The following CLIC5 variants were observed in gnomAD, a reference collection of about 807,000 sequenced individuals.
The protein encoded by CLIC5 is CLIC family member 5.
CLIC5 carries 20 observed loss-of-function variants against 24.7 expected under a neutral mutation model. The observed-to-expected ratio is 0.81, with a 90% CI of 0.57 to 1.18. The LOEUF is 1.18. Among genes scored for constraint, CLIC5 ranks in the 50% most tolerant of loss-of-function variants. The pLI, the probability that CLIC5 is intolerant of heterozygous loss-of-function variation, is 0.00. For synonymous variants in CLIC5, 159 were observed against 135.6 expected, an observed-to-expected ratio of 1.17 and a Z score of -1.20; for missense variants, 341 against 326.1, an observed-to-expected ratio of 1.05 and a Z score of -0.35.
chr6:45,950,581 C>T (rs1764438687), intron 2 of CLIC5, among the ~76,000 whole-genome samples: 1 of 152,052 alleles, frequency 6.6e-6, no homozygotes, highest in African/African-American at 2.4e-5. Context: ...AAAACAACAA[C>T]AGCAATAAAA....
At chr6:46,004,116 A>G (rs1228622591) in intron 1 of CLIC5, among the ~76,000 whole-genome samples, 1 of 152,232 alleles carries the variant, frequency 6.6e-6, no homozygotes, top group Non-Finnish European at 1.5e-5. Context: ...GTTGAAGTTG[A>G]TCTAGCAGAT....
intron 5 of CLIC5, among the ~76,000 whole-genome samples, chr6:45,908,228 G>T (rs1762715143): frequency 6.6e-6 from 1 of 151,894 alleles, no homozygotes; most frequent in Non-Finnish European, 1.5e-5. Flanking sequence ...ACCAACTTTT[G>T]GTTTCATTGA....
At chr6:46,091,488 C>A in the CLIC5 span, among the ~76,000 whole-genome samples, 1 of 152,264 alleles carries the variant, frequency 6.6e-6, no homozygotes, top group South Asian at 2.1e-4. Flanking sequence ...GTAATCCCAG[C>A]ACTTTGGGAG....
intron 6 of CLIC5, among the ~76,000 whole-genome samples, chr6:45,887,403 G>T (rs1352238143): frequency 6.6e-6 from 1 of 152,154 alleles, no homozygotes; most frequent in Non-Finnish European, 1.5e-5. Context: ...TCACACGGCT[G>T]TCTTCCCTCT....
Position 45,902,182 on chromosome 6 carries a change from C to T in CLIC5, c.*906G>A, listed in dbSNP as rs1762527367. 3.9e-5 allele frequency: 6 copies of T among 152,802 alleles called. No individual in the cohort carries two copies. Among genetic ancestry groups the T allele is most frequent in the Admixed American group, 3.3e-4 (5 of 15,286 alleles). The allele number at this position is 152,802 out of a possible 1,614,324, so 9.5% of individuals were successfully genotyped here. The stretch of plus-strand genomic sequence containing the variant: ...AACTCTTTTGTCTTCACCCATCTCT[C>T]CTCCTCCCACTCCCATCCACTTTCT... On this transcript the variant is annotated 3_prime_UTR_variant, in exon 6 of 6. Coordinates refer to ENST00000339561, the MANE Select transcript of CLIC5 (RefSeq NM_016929.5).
At chr6:46,050,957 C>G (rs1311801766) in intron 1 of CLIC5, among the ~76,000 whole-genome samples, 1 of 151,998 alleles carries the variant, frequency 6.6e-6, no homozygotes, top group Non-Finnish European at 1.5e-5. Flanking sequence ...CCTGCCTCAG[C>G]CTCCAGAGTA....
At chr6:46,039,058 C>T (rs1191456034) in intron 1 of CLIC5, among the ~76,000 whole-genome samples, 1 of 152,038 alleles carries the variant, frequency 6.6e-6, no homozygotes, top group African/African-American at 2.4e-5. Context: ...TAAAAGAATA[C>T]TATTTATAAA....
chr6:45,952,233 G>C (rs1476620970), intron 2 of CLIC5, among the ~76,000 whole-genome samples: 1 of 152,178 alleles, frequency 6.6e-6, no homozygotes, highest in African/African-American at 2.4e-5. Context: ...CTTAGCTAGA[G>C]TTGCAGCCCT....
At chr6:46,109,023 A>G in the CLIC5 span, among the ~76,000 whole-genome samples, 1 of 151,874 alleles carries the variant, frequency 6.6e-6, no homozygotes, top group Non-Finnish European at 1.5e-5. Flanking sequence ...ATGTGCCCCA[A>G]GGTTATATAG....
the CLIC5 span, among the ~76,000 whole-genome samples, chr6:46,089,949 T>G: frequency 6.6e-6 from 1 of 152,356 alleles, no homozygotes; most frequent in Non-Finnish European, 1.5e-5. Flanking sequence ...ACAGACAGTA[T>G]TTTTCGTGAT....
upstream of CLIC5, among the ~76,000 whole-genome samples, chr6:46,020,165 G>T (rs1581871205): frequency 1.3e-5 from 2 of 152,120 alleles, no homozygotes; most frequent in African/African-American, 4.8e-5. Context: ...TACCAAAAGA[G>T]ATCACATTCT....
chr6:46,051,559 C>T (rs2127465458), intron 1 of CLIC5, among the ~76,000 whole-genome samples: 1 of 152,214 alleles, frequency 6.6e-6, no homozygotes, highest in Non-Finnish European at 1.5e-5. Context: ...TGTGATTCTG[C>T]AGTTGGGGCA....
chr6:46,047,042 AC>A (rs1767973555), intron 1 of CLIC5, among the ~76,000 whole-genome samples: 1 of 152,196 alleles, frequency 6.6e-6, no homozygotes, highest in African/African-American at 2.4e-5. Flanking sequence ...CGTAGTGTTC[AC>A]ATGATTTATT....
chr6:46,086,580 T>C, the CLIC5 span, among the ~76,000 whole-genome samples: 406 of 152,290 alleles, frequency 2.7e-3, no homozygotes, highest in African/African-American at 9.5e-3. Context: ...TGGCCTTGAA[T>C]GCTAAGATCA....
intron 1 of CLIC5, among the ~76,000 whole-genome samples, chr6:46,048,490 G>A (rs931469791): frequency 1.1e-4 from 16 of 151,838 alleles, no homozygotes; most frequent in Non-Finnish European, 2.1e-4. Flanking sequence ...TTGCTCTTTG[G>A]CCTCATACAC....
At chr6:45,951,823 C>G (rs4714891) in intron 2 of CLIC5, among the ~76,000 whole-genome samples, 76,517 of 151,790 alleles carry the variant, frequency 0.5, 21,280 homozygotes, top group Non-Finnish European at 0.63. Flanking sequence ...AAATTCCTGG[C>G]GTAATCAGTT....
chr6:46,008,397 G>T (rs1766669792), intron 1 of CLIC5, among the ~76,000 whole-genome samples: 1 of 152,050 alleles, frequency 6.6e-6, no homozygotes, highest in African/African-American at 2.4e-5. Context: ...CCCAAAGCTG[G>T]GCCTGAAGAC....
chr6:45,995,059 T>C (rs531053027), intron 1 of CLIC5, among the ~76,000 whole-genome samples: 2 of 151,940 alleles, frequency 1.3e-5, no homozygotes, highest in Non-Finnish European at 2.9e-5. Flanking sequence ...ATGTTTTTTT[T>C]AAAAAAAACC....
intron 1 of CLIC5, among the ~76,000 whole-genome samples, chr6:46,025,399 T>C (rs1767302180): frequency 6.6e-6 from 1 of 152,194 alleles, no homozygotes; most frequent in South Asian, 2.1e-4. Context: ...CTACTATTGT[T>C]ACCTCATTTT....
Sources: allele counts gnomAD v4.1 joint callset (sites outside exome capture counted in the v4.1 genomes callset), GRCh38; gene constraint gnomAD v4.1.1; transcripts MANE v1.5; gene names NCBI Gene and HGNC (gene_info 2026-07-23, HGNC 2026-07-21).